Variants in TNRC18 observed in about 807,000 individuals in gnomAD.
TNRC18 encodes trinucleotide repeat containing 18, also known as trinucleotide repeat-containing gene 18 protein.
A neutral mutation model predicts 226.7 loss-of-function variants in TNRC18; 69 were observed. The observed-to-expected ratio is 0.30, with a 90% CI of 0.25 to 0.37. The LOEUF (loss-of-function observed/expected upper bound fraction) is 0.37. Ranked by LOEUF, TNRC18 falls within the 10% of genes least tolerant of loss-of-function variation. The pLI, the probability that TNRC18 is intolerant of heterozygous loss-of-function variation, is 1.00. For missense variants in TNRC18, 4,754 were observed against 4,256.6 expected, an observed-to-expected ratio of 1.12 and a Z score of -3.25; for synonymous variants, 2,449 against 1,927.6, an observed-to-expected ratio of 1.27 and a Z score of -7.09.
intron 2 of TNRC18, 59 bp downstream of exon 2, chr7:5,421,001 C>T (rs756744193): frequency 1.5e-4 from 225 of 1,543,218 alleles, no homozygotes; most frequent in Non-Finnish European, 1.9e-4. Context: ...CAGGAGGACC[C>T]GGCCGAGTGG....
In TNRC18 at chr7:5,374,198, G is replaced by GGGGGGGGGGGGGGT; in HGVS notation, c.3085_3086insACCCCCCCCCCCCC (p.Ser1029TyrfsTer135). The GGGGGGGGGGGGGGT allele has an allele frequency of 1.1e-6, 1 of 899,922 alleles. No individual in the cohort carries two copies. The highest frequency in any genetic ancestry group is 1.5e-6 in the Non-Finnish European group (1 of 677,736). 55.7% of individuals were successfully genotyped at this position (899,922 alleles called of 1,614,324 possible). A position where few individuals can be genotyped will look rare whatever the true frequency, so the allele number is the denominator to read the frequency against. ...GGCGGGCGGCGGGCTGGTGGGGTGG[G>GGGGGGGGGGGGGGT]AGCTGGGGGTGGCGGGGTAGGCGTA... On this transcript the variant is annotated frameshift_variant, in exon 10 of 30. Coordinates refer to ENST00000430969, the MANE Select transcript of TNRC18 (RefSeq NM_001080495.3). LOFTEE classifies it high-confidence loss of function.
In TNRC18 at chr7:5,394,453, G is replaced by A. The variant is rs531786063; in HGVS notation, c.330C>T (p.Ala110=). The A allele has an allele frequency of 3.2e-6, 5 of 1,549,044 alleles. No individual in the cohort carries two copies. In the African/African-American group the frequency reaches 4.1e-5, roughly 13 times the overall value. Residue 110 remains alanine, a synonymous_variant, in exon 3 of 30, where the codon GCC becomes GCT. Coordinates refer to ENST00000430969, the MANE Select transcript of TNRC18 (RefSeq NM_001080495.3). This position sits in a 1 kb window ranked among gnomAD's most constrained non-coding sequence, Gnocchi z 4.5. ...CATGTTCCTTACCTTCATGGGCGTGGGCGGCCCACAGCTGCACCATGGGCA... is the reference window on the plus strand; with the variant it reads ...CATGTTCCTTACCTTCATGGGCGTGAGCGGCCCACAGCTGCACCATGGGCA... ...SNLPMVQLWA[A]HAHEGFSHLP...
At chr7:5,313,938 G>A (rs1322418734) in intron 26 of TNRC18, 75 bp from the exon 27 acceptor site, 1 of 1,360,592 alleles carries the variant, frequency 7.3e-7, no homozygotes, top group East Asian at 2.6e-5. Flanking sequence ...TATCAGAAAG[G>A]CCTGCTTCTG....
At chr7:5,408,676 A>G (rs1312182699) in intron 2 of TNRC18, among the ~76,000 whole-genome samples, 1 of 152,164 alleles carries the variant, frequency 6.6e-6, no homozygotes, top group African/African-American at 2.4e-5. Flanking sequence ...ATTTGGAAGC[A>G]AGAAAGCAGA....
intron 19 of TNRC18, among the ~76,000 whole-genome samples, chr7:5,331,014 C>G (rs1789472770): frequency 6.6e-6 from 1 of 152,152 alleles, no homozygotes; most frequent in African/African-American, 2.4e-5. Context: ...GACACCTGTC[C>G]TGCAAGGCCT....
chr7:5,388,545 G>A lies in TNRC18; in HGVS notation c.1279C>T (p.Arg427Cys), dbSNP rs1484453460. 7.6e-7 allele frequency: 1 copy of A among 1,314,682 alleles called. No individual in the cohort carries two copies. Among genetic ancestry groups the A allele is most frequent in the Admixed American group, 4.3e-5 (1 of 23,410 alleles). The allele number at this position is 1,314,682 out of a possible 1,614,324, so 81.4% of individuals were successfully genotyped here. A position where few individuals can be genotyped will look rare whatever the true frequency, so the allele number is the denominator to read the frequency against. The change falls in exon 5 of 30, where the codon CGC becomes TGC. Residue 427 changes from arginine (R) to cysteine (C), a missense_variant. By Grantham distance (180) the Arg-to-Cys change is radical. Coordinates refer to ENST00000430969, the MANE Select transcript of TNRC18 (RefSeq NM_001080495.3). ...PRPLDRPEGLREKNSVIRSLK... is the reference protein window; with the variant it reads ...PRPLDRPEGLCEKNSVIRSLK... ...GAGCGGATGACCGAGTTCTTCTCGC[G>A]CAGGCCCTCGGGCCGGTCCAGAGGC...
intron 1 of TNRC18, among the ~76,000 whole-genome samples, chr7:5,421,750 G>C (rs971539941): frequency 1.3e-5 from 2 of 152,330 alleles, no homozygotes; most frequent in South Asian, 4.1e-4. Context: ...CCCCAGCCCG[G>C]ACTCTGCCTC....
intron 2 of TNRC18, among the ~76,000 whole-genome samples, chr7:5,413,067 C>T (rs915450778): frequency 6.6e-6 from 1 of 152,226 alleles, no homozygotes; most frequent in African/African-American, 2.4e-5. Flanking sequence ...CTAACCAGGG[C>T]TCCCAGCAGG....
At chr7:5,398,982 G>A (rs1286567768) in intron 2 of TNRC18, among the ~76,000 whole-genome samples, 1 of 152,146 alleles carries the variant, frequency 6.6e-6, no homozygotes, top group Non-Finnish European at 1.5e-5. Context: ...TTAGGGTGAG[G>A]AGAGGATCAA....
intron 3 of TNRC18, among the ~76,000 whole-genome samples, chr7:5,393,048 G>A (rs2128200894): frequency 6.6e-6 from 1 of 152,356 alleles, no homozygotes; most frequent in Admixed American, 6.5e-5. Context: ...CCCGGGCAGG[G>A]CTGGCTCTGA....
In TNRC18 at chr7:5,376,907, C is replaced by T. The variant is rs775651584; in HGVS notation, c.2548G>A (p.Val850Ile). The T allele has an allele frequency of 3.1e-6, 5 of 1,609,468 alleles. No individual in the cohort carries two copies. The highest frequency in any genetic ancestry group is 1.3e-5 in the African/African-American group (1 of 74,860). The change falls in exon 8 of 30, where the codon GTC becomes ATC. Residue 850 changes from valine (V) to isoleucine (I), a missense_variant. Physicochemically the swap from Val to Ile is conservative, Grantham distance 29. Transcript: ENST00000430969. ...AGCTGGCCCGATTGGGGGTCCCTGA[C>T]AAACTGGTAGGCTGACGGGAGGGAG... ...GGSLPSAYQF[V>I]RDPQSGQLVV... is the part of the protein sequence containing the mutation.
At chr7:5,380,011 G>C (rs1307619030) in intron 5 of TNRC18, among the ~76,000 whole-genome samples, 1 of 152,214 alleles carries the variant, frequency 6.6e-6, no homozygotes, top group Non-Finnish European at 1.5e-5. Flanking sequence ...TTCTGCTGGA[G>C]ACAAGGTCCC....
chr7:5,308,072 TCGGGGCACAGGTGGCCCG>T lies in TNRC18; in HGVS notation c.*16_*33del. On this transcript the variant is annotated 3_prime_UTR_variant, in exon 30 of 30. Transcript: ENST00000430969. ...GATGGAGATGGGTCCCTGGCCGCCC[TCGGGGCACAGGTGGCCCG>T]CAGGGCCCGGCGGGCTCAGCAGAGC... The T allele has an allele frequency of 1.3e-6, 2 of 1,533,848 alleles. No individual in the cohort carries two copies. Among genetic ancestry groups the T allele is most frequent in the Non-Finnish European group, 1.8e-6 (2 of 1,135,646 alleles).
At chr7:5,337,650 C>T (rs985927925) in intron 18 of TNRC18, among the ~76,000 whole-genome samples, 1 of 152,102 alleles carries the variant, frequency 6.6e-6, no homozygotes, top group Non-Finnish European at 1.5e-5. Flanking sequence ...ACTTTGTTCA[C>T]TTTTCCTCTC....
At chr7:5,310,044 A>G (rs1787017773) in intron 27 of TNRC18, among the ~76,000 whole-genome samples, 1 of 151,976 alleles carries the variant, frequency 6.6e-6, no homozygotes. Flanking sequence ...GCCTGAGTTG[A>G]TGGGATTACA....
chr7:5,312,873 G>A lies in TNRC18; in HGVS notation c.8018C>T (p.Thr2673Ile). The change falls in exon 27 of 30, where the codon ACA (threonine) becomes ATA (isoleucine). Residue 2673 changes from threonine (T) to isoleucine (I), a missense_variant. Thr to Ile is a moderately conservative substitution (Grantham distance 89). Coordinates refer to ENST00000430969, the MANE Select transcript of TNRC18 (RefSeq NM_001080495.3). This position sits in a 1 kb window ranked among gnomAD's most constrained non-coding sequence, Gnocchi z 6.3. ...SSSSSSSSST[T>I]DEDSSCSSDD... ...CGAGCTGCAGGAAGAGTCCTCGTCT[G>A]TGGTGGAGGAAGAAGAGGAGGAAGA... The A allele has an allele frequency of 2.0e-6, 3 of 1,528,134 alleles. No individual in the cohort carries two copies. The highest frequency in any genetic ancestry group is 2.7e-5 in the African/African-American group (2 of 73,554). The allele number at this position is 1,528,134 out of a possible 1,614,324, so 94.7% of individuals were successfully genotyped here. A position where few individuals can be genotyped will look rare whatever the true frequency, so the allele number is the denominator to read the frequency against.
intron 2 of TNRC18, among the ~76,000 whole-genome samples, chr7:5,417,960 C>A (rs1201267206): frequency 6.6e-6 from 1 of 152,084 alleles, no homozygotes; most frequent in African/African-American, 2.4e-5. Context: ...AGAGTGCTAG[C>A]CAAGCCAAGC....
At chr7:5,362,151 G>C (rs957680434) in intron 12 of TNRC18, 118 bp from the exon 13 acceptor site, 1 of 1,265,516 alleles carries the variant, frequency 7.9e-7, no homozygotes. Context: ...TGGGGCTCGA[G>C]TCCCACCGCT....
intron 2 of TNRC18, among the ~76,000 whole-genome samples, chr7:5,413,263 G>A (rs1002323675): frequency 9.2e-5 from 14 of 151,968 alleles, no homozygotes; most frequent in Non-Finnish European, 2.1e-4. Context: ...AGCAGCCCCC[G>A]CCAGCCACAT....
Sources: gnomAD v4.1 joint callset for allele counts (sites outside exome capture counted in the v4.1 genomes callset) on GRCh38, gnomAD v4.1.1 for gene constraint, Gnocchi (gnomAD v3.1) non-coding constraint, MANE v1.5 for transcripts, NCBI Gene and HGNC (gene_info 2026-07-23, HGNC 2026-07-21) for gene names.